Variants in PRKDC observed in about 807,000 individuals in gnomAD.
PRKDC encodes the protein DNA-dependent protein kinase catalytic subunit.
Under a neutral mutation model 486.9 loss-of-function variants are expected in PRKDC, and 82 were observed. That is an observed-to-expected ratio of 0.17 (90% confidence interval 0.14 to 0.20). The LOEUF (loss-of-function observed/expected upper bound fraction) is 0.20. PRKDC is among the 10% of genes least tolerant of loss of function. The pLI, the probability that PRKDC is intolerant of heterozygous loss-of-function variation, is 1.00. For synonymous variants in PRKDC, 1,895 were observed against 1,837.0 expected, an observed-to-expected ratio of 1.03 and a Z score of -0.81; for missense variants, 4,504 against 5,038.2, an observed-to-expected ratio of 0.89 and a Z score of 3.21.
chr8:47,824,326 T>G (rs570560171), intron 63 of PRKDC, among the ~76,000 whole-genome samples: 1 of 151,848 alleles, frequency 6.6e-6, no homozygotes, highest in Admixed American at 6.6e-5. Context: ...TACAAAAAAT[T>G]AGCTGGGCAT....
At chr8:47,954,265 TAA>T (rs1295988546) in intron 5 of PRKDC, 71 bp downstream of exon 5, 2 of 659,952 alleles carry the variant, frequency 3.0e-6, no homozygotes, top group Non-Finnish European at 4.5e-6. Flanking sequence ...AGAGAAAACC[TAA>T]GTCTTATGCT....
chr8:47,897,417 C>A (rs2089600537), intron 29 of PRKDC, 123 bp from the exon 30 acceptor site: 3 of 964,132 alleles, frequency 3.1e-6, no homozygotes, highest in Non-Finnish European at 4.3e-6. Context: ...CACTAAAAGG[C>A]ATTCGACTTA....
At chr8:47,785,050 A>G in intron 77 of PRKDC, 63 bp downstream of exon 77, 1 of 1,485,926 alleles carries the variant, frequency 6.7e-7, no homozygotes, top group Admixed American at 1.8e-5. Flanking sequence ...AGAAACCACG[A>G]GTTCTTATTA....
Position 47,862,545 on chromosome 8 carries a change from CAG to C in PRKDC, c.5751-6_5751-5del, listed in dbSNP as rs1417067270. 4 of 1,593,506 alleles carry C rather than the reference CAG, an allele frequency of 2.5e-6. No homozygotes were observed. The African/African-American group carries it at 4.0e-5, about 16-fold the overall frequency. On this transcript the variant is annotated splice_region_variant and splice_polypyrimidine_tract_variant and intron_variant, in intron 42 of 85. Transcript: ENST00000314191. The stretch of plus-strand genomic sequence containing the variant: ...TGTAAATGCATCGTAGCACAATCTG[CAG>C]AGAGATCCATGTGACAAATCAATTC...
At chr8:47,943,717 C>A in intron 9 of PRKDC, 136 bp downstream of exon 9, 1 of 824,484 alleles carries the variant, frequency 1.2e-6, no homozygotes, top group Non-Finnish European at 1.9e-6. Context: ...CACCGAAAGC[C>A]TCCCTGTAAA....
intron 7 of PRKDC, among the ~76,000 whole-genome samples, chr8:47,951,372 AG>A (rs2090622463): frequency 6.6e-6 from 1 of 151,316 alleles, no homozygotes; most frequent in East Asian, 1.9e-4. Context: ...GAAAAAAAAA[AG>A]AAAAGAAAAA....
chr8:47,906,398 C>A (rs1328305462), intron 25 of PRKDC, among the ~76,000 whole-genome samples: 1 of 148,236 alleles, frequency 6.7e-6, no homozygotes, highest in Non-Finnish European at 1.5e-5. Flanking sequence ...CTTTGGGAGG[C>A]TGAGGAGGGC....
intron 25 of PRKDC, among the ~76,000 whole-genome samples, chr8:47,907,506 G>A (rs959304727): frequency 2.7e-5 from 4 of 146,040 alleles, no homozygotes; most frequent in Admixed American, 6.9e-5. Flanking sequence ...AACCACTGTC[G>A]ACTTTCAAAA....
chr8:47,929,910 A>C lies in PRKDC; in HGVS notation c.1995T>G (p.Gly665=), dbSNP rs766782657. ...CTGTAATAGAAAGCAATTTGTAGAA[A>C]CCACTGATGAGGGGCAACCTTGTAG... The part of the protein sequence containing the change: ...LQSTRLPLIS[G]FYKLLSITVR... The change falls in exon 18 of 86, where the codon GGT becomes GGG. Residue 665 remains glycine, a synonymous_variant. Transcript: ENST00000314191. 3 of 1,607,452 alleles carry C rather than the reference A, an allele frequency of 1.9e-6. No individual in the cohort carries two copies. Among genetic ancestry groups the C allele is most frequent in the Non-Finnish European group, 2.5e-6 (3 of 1,178,302 alleles).
Position 47,782,068 on chromosome 8 carries a change from G to T in PRKDC, c.11489+94C>A. ...CAGCAGACTGCGGGGCAGGCAGTGTGGGCTCTCGAGCGCGCCTGTCACGGC... is the reference window on the plus strand; with the variant it reads ...CAGCAGACTGCGGGGCAGGCAGTGTTGGCTCTCGAGCGCGCCTGTCACGGC... On this transcript the variant is annotated intron_variant, in intron 80 of 85. Coordinates refer to ENST00000314191, the MANE Select transcript of PRKDC (RefSeq NM_006904.7). The surrounding 1 kb of genome is among the most constrained non-coding windows in gnomAD (Gnocchi z 4.9). 1.9e-6 allele frequency: 2 copies of T among 1,075,554 alleles called. No homozygotes were observed. Among genetic ancestry groups the T allele is most frequent in the Non-Finnish European group, 1.4e-6 (1 of 716,214 alleles). The allele number at this position is 1,075,554 out of a possible 1,614,324, so 66.6% of individuals were successfully genotyped here.
chr8:47,817,981 G>A (rs1030475518), intron 67 of PRKDC, among the ~76,000 whole-genome samples: 1 of 152,194 alleles, frequency 6.6e-6, no homozygotes, highest in Admixed American at 6.5e-5. Context: ...AAGCTGTAGA[G>A]TTACAGAATA....
chr8:47,846,900 T>C (rs931358699), intron 54 of PRKDC, among the ~76,000 whole-genome samples: 3 of 152,080 alleles, frequency 2.0e-5, no homozygotes, highest in African/African-American at 7.2e-5. Flanking sequence ...GTAAGCCTAT[T>C]TACAATAGCA....
chr8:47,938,990 GA>G (rs2090396890), intron 11 of PRKDC, among the ~76,000 whole-genome samples: 4 of 152,138 alleles, frequency 2.6e-5, no homozygotes, highest in Admixed American at 2.0e-4. Flanking sequence ...GCACAGAGGG[GA>G]AACATGGTGT....
At chr8:47,824,239 C>CG in intron 63 of PRKDC, among the ~76,000 whole-genome samples, 1 of 152,014 alleles carries the variant, frequency 6.6e-6, no homozygotes, top group South Asian at 2.1e-4. Flanking sequence ...GAATCTGGGA[C>CG]GGGCGTGGCG....
In PRKDC at chr8:47,800,895, C is replaced by A; in HGVS notation, c.10014G>T (p.Ala3338=). The part of the protein sequence containing the change: ...ILLGTTYRII[A]NALSSEPACL... ...AGGCTGGCTCACTGCTGAGAGCATTCGCTATGATCCTGTAAGTTGTACCCA... is the reference window on the plus strand; with the variant it reads ...AGGCTGGCTCACTGCTGAGAGCATTAGCTATGATCCTGTAAGTTGTACCCA... The change falls in exon 71 of 86, where the codon GCG becomes GCT. Residue 3338 remains alanine, a synonymous_variant. Transcript: ENST00000314191. The A allele has an allele frequency of 3.1e-6, 5 of 1,613,804 alleles. No homozygotes were observed. Among genetic ancestry groups the A allele is most frequent in the South Asian group, 1.1e-5 (1 of 91,014 alleles).
intron 36 of PRKDC, among the ~76,000 whole-genome samples, chr8:47,882,814 C>A (rs970122757): frequency 8.5e-5 from 13 of 152,200 alleles, no homozygotes. Context: ...CCTTTTTGCA[C>A]ATTTTGTACT....
At chr8:47,791,226 C>T (rs2086877002) in intron 74 of PRKDC, among the ~76,000 whole-genome samples, 1 of 152,168 alleles carries the variant, frequency 6.6e-6, no homozygotes, top group African/African-American at 2.4e-5. Flanking sequence ...TCTGTAATCC[C>T]AGCACTATGG....
chr8:47,957,348 A>G lies in PRKDC; in HGVS notation c.231+7T>C, dbSNP rs760544935. The G allele has an allele frequency of 8.1e-6, 13 of 1,595,720 alleles. No homozygotes were observed. In the East Asian group the frequency reaches 2.7e-4, roughly 33 times the overall value. On this transcript the variant is annotated splice_region_variant and intron_variant, in intron 2 of 85. Transcript: ENST00000314191. ...CAAGAAAAGCAAAACCAAAATTGTC[A>G]ACTTACTTCAATACTGTTGAGTGAC...
chr8:47,846,415 C>CAAAAAAAAAAAAA (rs200554979), intron 54 of PRKDC, among the ~76,000 whole-genome samples: 1 of 59,708 alleles, frequency 1.7e-5, no homozygotes. Context: ...GACTCTGCCT[C>CAAAAAAAAAAAAA]AAAAAAAAAA....
Sources: allele counts gnomAD v4.1 joint callset (sites outside exome capture counted in the v4.1 genomes callset), GRCh38; gene constraint gnomAD v4.1.1; non-coding constraint Gnocchi (gnomAD v3.1); transcripts MANE v1.5; gene names NCBI Gene and HGNC (gene_info 2026-07-23, HGNC 2026-07-21).